The following SLC15A2 variants were observed in gnomAD, a reference collection of about 807,000 sequenced individuals.
SLC15A2 encodes solute carrier family 15 member 2.
A neutral mutation model predicts 95.5 loss-of-function variants in SLC15A2; 77 were observed. The observed-to-expected ratio is 0.81, with a 90% confidence interval of 0.67 to 0.97. The LOEUF (loss-of-function observed/expected upper bound fraction) is 0.97. Ranked by LOEUF, SLC15A2 falls within the 50% of genes least tolerant of loss-of-function variation. SLC15A2 has a pLI of 0.00. For synonymous variants in SLC15A2, 306 were observed against 306.9 expected (o/e 1.00, Z 0.03); for missense variants, 893 against 874.4 (o/e 1.02, Z -0.27).
At chr3:121,927,626 C>T in intron 13 of SLC15A2, 132 bp from the exon 14 acceptor site, 1 of 623,104 alleles carries the variant, frequency 1.6e-6, no homozygotes, top group South Asian at 2.2e-5. Flanking sequence ...TTATAAATTA[C>T]CCAGTCTCAG....
intron 5 of SLC15A2, chr3:121,914,917 G>A: frequency 2.6e-6 from 2 of 780,890 alleles, no homozygotes; most frequent in African/African-American, 3.8e-5. Context: ...GACATTTAAT[G>A]CAAAGACATT....
chr3:121,901,179 C>T (rs560835622), intron 3 of SLC15A2, among the ~76,000 whole-genome samples: 41 of 151,934 alleles, frequency 2.7e-4, no homozygotes, highest in South Asian at 1.9e-3. Flanking sequence ...CCACCATGCC[C>T]GGCTAATTTT....
chr3:121,923,770 A>G (rs2700426), intron 11 of SLC15A2, among the ~76,000 whole-genome samples: 67,608 of 151,784 alleles, frequency 0.45, 15,552 homozygotes, highest in East Asian at 0.69. Context: ...TACCATCTCT[A>G]CTCTCAATTG....
At chr3:121,931,402 T>A (rs1000547982) in intron 18 of SLC15A2, among the ~76,000 whole-genome samples, 5 of 152,274 alleles carry the variant, frequency 3.3e-5, no homozygotes, top group African/African-American at 1.2e-4. Context: ...GATTTGTAAC[T>A]TCTTTATTTA....
At chr3:121,902,611 T>C (rs1216540002) in intron 3 of SLC15A2, among the ~76,000 whole-genome samples, 2 of 152,196 alleles carry the variant, frequency 1.3e-5, no homozygotes, top group East Asian at 1.9e-4. Context: ...CATGTGGTGT[T>C]TGGTTTTCTG....
In SLC15A2 at chr3:121,908,831, T is replaced by C. The variant is rs1344569769; in HGVS notation, c.336-2743T>C. Among the ~76,000 whole-genome samples the C allele has an allele frequency of 2.0e-5, 3 of 152,088 alleles. No individual in the cohort carries two copies. In the East Asian group the frequency reaches 5.8e-4, roughly 29 times the overall value. ...TGATAAAACCAAAGGAATGCTGGAT[T>C]ATGAGTTAAATATAGAAGCTCTACA... On this transcript the variant is annotated intron_variant, in intron 3 of 21. Transcript: ENST00000489711.
intron 3 of SLC15A2, among the ~76,000 whole-genome samples, chr3:121,902,707 G>C (rs1283589529): frequency 1.3e-5 from 2 of 152,158 alleles, no homozygotes; most frequent in Non-Finnish European, 2.9e-5. Flanking sequence ...TTTTATGGTT[G>C]CATAGTATTC....
rs189679175 is a variant in SLC15A2, at chr3:121,943,285, T to A, written c.*2278T>A. 6.6e-6 allele frequency: 1 copy of A among 151,742 alleles called. No individual in the cohort carries two copies. Among genetic ancestry groups the A allele is most frequent in the East Asian group, 1.9e-4 (1 of 5,154 alleles). 9.4% of individuals were successfully genotyped at this position (151,742 alleles called of 1,614,324 possible). ...TCATCTAAAAAAAAAAAGAAAAGAATATGTATACCCCCTTTTTCATGTGGC... is the reference window on the plus strand; with the variant it reads ...TCATCTAAAAAAAAAAAGAAAAGAAAATGTATACCCCCTTTTTCATGTGGC... On this transcript the variant is annotated 3_prime_UTR_variant, in exon 22 of 22. Coordinates refer to ENST00000489711, the MANE Select transcript of SLC15A2 (RefSeq NM_021082.4).
At chr3:121,933,280 A>G (rs901359447) in intron 19 of SLC15A2, among the ~76,000 whole-genome samples, 2 of 151,790 alleles carry the variant, frequency 1.3e-5, no homozygotes, top group Non-Finnish European at 2.9e-5. Flanking sequence ...TAAACCCAGT[A>G]ATGGGATGGC....
At position 121,922,725 on chromosome 3, in the gene SLC15A2, G is replaced by A. The variant is rs376903174; in HGVS notation, c.781-50G>A. On this transcript the variant is annotated intron_variant, in intron 8 of 21. Coordinates refer to ENST00000489711, the MANE Select transcript of SLC15A2 (RefSeq NM_021082.4). The stretch of plus-strand genomic sequence containing the variant: ...AAGGTATAATAAGTTGGAAAAGGCA[G>A]AGGATGTTTTTCTCTTTGTCTCTCC... 8.0e-6 allele frequency: 11 copies of A among 1,369,576 alleles called. No individual in the cohort carries two copies. In the South Asian group the frequency reaches 1.3e-4, roughly 17 times the overall value. 84.8% of individuals were successfully genotyped at this position (1,369,576 alleles called of 1,614,324 possible).
chr3:121,910,591 C>T (rs144186046), intron 3 of SLC15A2, among the ~76,000 whole-genome samples: 36 of 152,286 alleles, frequency 2.4e-4, no homozygotes, highest in African/African-American at 7.9e-4. Context: ...AAATCCACAT[C>T]CTGAGAGTTC....
At chr3:121,915,085 A>G (rs1245813175) in intron 5 of SLC15A2, 142 bp from the exon 6 acceptor site, 3 of 1,138,120 alleles carry the variant, frequency 2.6e-6, no homozygotes, top group Non-Finnish European at 3.6e-6. Context: ...TTAAATATCT[A>G]TTAATAATAT....
intron 3 of SLC15A2, among the ~76,000 whole-genome samples, chr3:121,901,397 T>C (rs1709517804): frequency 6.6e-6 from 1 of 152,222 alleles, no homozygotes; most frequent in Admixed American, 6.5e-5. Context: ...TTCATAAATT[T>C]ATTCACCCTC....
intron 3 of SLC15A2, among the ~76,000 whole-genome samples, chr3:121,901,496 T>C (rs1243437564): frequency 6.6e-6 from 1 of 152,180 alleles, no homozygotes; most frequent in Non-Finnish European, 1.5e-5. Flanking sequence ...TTGGTTGCTT[T>C]TTAAATAAGA....
intron 3 of SLC15A2, 113 bp from the exon 4 acceptor site, chr3:121,911,461 C>A: frequency 1.7e-6 from 1 of 597,594 alleles, no homozygotes; most frequent in Non-Finnish European, 3.0e-6. Flanking sequence ...TTCCTCCTCC[C>A]TCCTCCTCCT....
intron 3 of SLC15A2, among the ~76,000 whole-genome samples, chr3:121,907,893 C>T (rs902491630): frequency 5.3e-5 from 8 of 152,342 alleles, no homozygotes; most frequent in Admixed American, 6.5e-5. Flanking sequence ...ACTGGGAGAA[C>T]GAGTGCTCTC....
intron 3 of SLC15A2, among the ~76,000 whole-genome samples, chr3:121,905,089 T>G (rs1400982169): frequency 6.6e-6 from 1 of 152,222 alleles, no homozygotes. Context: ...AGGGTGTATG[T>G]GTCCAGAAAT....
intron 9 of SLC15A2, 44 bp from the exon 10 acceptor site, chr3:121,922,996 A>G: frequency 1.3e-6 from 2 of 1,595,824 alleles, no homozygotes; most frequent in South Asian, 1.1e-5. Context: ...AAAGCCATGT[A>G]CAGAACTTCT....
chr3:121,927,777 G>A lies in SLC15A2; in HGVS notation c.1144G>A (p.Val382Ile), dbSNP rs1710149207. The change falls in exon 14 of 22, where the codon GTT becomes ATT. Residue 382 changes from valine to isoleucine, a missense_variant. Coordinates refer to ENST00000489711, the MANE Select transcript of SLC15A2 (RefSeq NM_021082.4). The stretch of plus-strand genomic sequence containing the variant: ...CCACAGATCACTTAGGAAAATGGCT[G>A]TTGGTATGATCCTAGCATGCCTGGC... ...INFSSLRKMA[V>I]GMILACLAFA... 1 of 1,613,592 alleles carries A rather than the reference G, an allele frequency of 6.2e-7. No homozygotes were observed.
Sources: gnomAD v4.1 joint callset for allele counts (sites outside exome capture counted in the v4.1 genomes callset) on GRCh38, gnomAD v4.1.1 for gene constraint, MANE v1.5 for transcripts, NCBI Gene and HGNC (gene_info 2026-07-23, HGNC 2026-07-21) for gene names.